ATP6V1A: variants seen among roughly 807,000 people sequenced by gnomAD.
The protein encoded by ATP6V1A is ATPase H+ transporting V1 subunit A.
Under a neutral mutation model 70.1 loss-of-function variants are expected in ATP6V1A, and 18 were observed. That is an observed-to-expected ratio of 0.26 (90% CI 0.18 to 0.38). The LOEUF is 0.38. Among genes scored for constraint, ATP6V1A ranks in the 10% least tolerant of loss-of-function variants. The pLI, the probability that ATP6V1A is intolerant of heterozygous loss-of-function variation, is 1.00. For missense variants in ATP6V1A, 424 were observed against 772.4 expected (o/e 0.55, Z 5.35); for synonymous variants, 232 against 253.8 (o/e 0.91, Z 0.82).
At chr3:113,777,614 G>A (rs1438483265) in intron 1 of ATP6V1A, among the ~76,000 whole-genome samples, 1 of 152,210 alleles carries the variant, frequency 6.6e-6, no homozygotes, top group Non-Finnish European at 1.5e-5. Context: ...TTAGCCAGGT[G>A]TGGTAGGACA....
chr3:113,786,344 C>T lies in ATP6V1A; in HGVS notation c.677C>T (p.Pro226Leu). 1 of 1,613,902 alleles carries T rather than the reference C, an allele frequency of 6.2e-7. No homozygotes were observed. The highest frequency in any genetic ancestry group is 1.1e-5 in the South Asian group (1 of 91,048). ...PVTEKLPANH[P>L]LLTGQRVLDA... ...ACTGAGAAGCTGCCAGCCAATCATC[C>T]TCTGTTGACTGGCCAGAGAGTCCTT... is the stretch of plus-strand genomic sequence containing the variant. Residue 226 changes from proline to leucine, a missense_variant, in exon 6 of 15, where the codon CCT becomes CTT. Pro to Leu is a moderately conservative substitution (Grantham distance 98). Coordinates refer to ENST00000273398, the MANE Select transcript of ATP6V1A (RefSeq NM_001690.4).
chr3:113,782,562 G>GTATATATATACGTATATATATACACATA (rs1480934412), intron 3 of ATP6V1A, among the ~76,000 whole-genome samples: 3 of 139,724 alleles, frequency 2.1e-5, no homozygotes, highest in Non-Finnish European at 4.6e-5. Context: ...ATATACATGT[G>GTATATATATACGTATATATATACACATA]TATATATATA....
chr3:113,765,631 T>G (rs1359886224), intron 1 of ATP6V1A, among the ~76,000 whole-genome samples: 3 of 145,874 alleles, frequency 2.1e-5, no homozygotes, highest in Non-Finnish European at 4.5e-5. Context: ...GAGAGAGAGA[T>G]GAGTGGCCGG....
intron 1 of ATP6V1A, among the ~76,000 whole-genome samples, chr3:113,763,661 C>G (rs1048499499): frequency 3.9e-5 from 6 of 152,052 alleles, no homozygotes; most frequent in Admixed American, 3.9e-4. Context: ...AGTTCTAATA[C>G]CATATTTTGT....
chr3:113,784,498 G>C (rs942408345), intron 4 of ATP6V1A, 60 bp downstream of exon 4: 2 of 1,501,176 alleles, frequency 1.3e-6, no homozygotes, highest in Admixed American at 3.7e-5. Context: ...TGAATGTTTA[G>C]TAAACTACAT....
chr3:113,784,390 T>C lies in ATP6V1A; in HGVS notation c.378T>C (p.Ala126=). ...TCCCCAGAGGAGTAAACGTGTCTGC[T>C]CTTAGCAGAGATATCAAATGGGACT... ...IYIPRGVNVS[A]LSRDIKWDFT... Residue 126 remains alanine (A), a synonymous_variant, in exon 4 of 15, where the codon GCT becomes GCC. Transcript: ENST00000273398. 1 of 1,614,178 alleles carries C rather than the reference T, an allele frequency of 6.2e-7. No individual in the cohort carries two copies. The highest frequency in any genetic ancestry group is 8.5e-7 in the Non-Finnish European group (1 of 1,180,020).
chr3:113,803,907 G>T (rs1362762411), intron 13 of ATP6V1A, among the ~76,000 whole-genome samples: 1 of 152,120 alleles, frequency 6.6e-6, no homozygotes, highest in Admixed American at 6.6e-5. Context: ...TCTATAATTA[G>T]ATTTAATTGT....
At chr3:113,767,058 ACTT>A (rs1708779842) in intron 1 of ATP6V1A, among the ~76,000 whole-genome samples, 1 of 148,434 alleles carries the variant, frequency 6.7e-6, no homozygotes, top group Non-Finnish European at 1.5e-5. Flanking sequence ...TGTGATATGT[ACTT>A]AACAAATAGT....
chr3:113,792,595 C>T (rs1352376960), intron 8 of ATP6V1A, among the ~76,000 whole-genome samples: 1 of 152,212 alleles, frequency 6.6e-6, no homozygotes, highest in Non-Finnish European at 1.5e-5. Context: ...CTTGGCCTCC[C>T]AAAGTCCTGG....
chr3:113,761,674 T>C (rs1708706713), intron 1 of ATP6V1A, among the ~76,000 whole-genome samples: 2 of 148,542 alleles, frequency 1.3e-5, no homozygotes, highest in Non-Finnish European at 3.0e-5. Flanking sequence ...AGGCAGAGAT[T>C]GTGGTGAGCC....
At chr3:113,778,498 A>G (rs996766211) in intron 1 of ATP6V1A, among the ~76,000 whole-genome samples, 3 of 152,122 alleles carry the variant, frequency 2.0e-5, no homozygotes, top group Non-Finnish European at 4.4e-5. Flanking sequence ...GCTAGAGTCC[A>G]GGAGTCTGAG....
At chr3:113,755,051 T>A (rs1231744004) in intron 1 of ATP6V1A, among the ~76,000 whole-genome samples, 1 of 152,176 alleles carries the variant, frequency 6.6e-6, no homozygotes, top group Non-Finnish European at 1.5e-5. Context: ...TCCAAAGTTT[T>A]TTTTACAAGA....
chr3:113,788,144 C>T lies in ATP6V1A; in HGVS notation c.717-569C>T, dbSNP rs115674325. 8.2e-3 allele frequency among the ~76,000 whole-genome samples: 1,243 copies of T among 152,272 alleles called. 13 individuals are homozygous for T. The highest frequency in any genetic ancestry group is 0.028 in the African/African-American group (1,154 of 41,538). On this transcript the variant is annotated intron_variant, in intron 6 of 14. Transcript: ENST00000273398. ...CTCTTTTGCCCAGGCTGGTCTTGGG[C>T]TCAGGCGGTCCTCCCACCTCAGTCT...
chr3:113,800,231 CAAA>C (rs74642409), intron 12 of ATP6V1A, among the ~76,000 whole-genome samples: 3 of 82,666 alleles, frequency 3.6e-5, no homozygotes. Flanking sequence ...GACTCCATCT[CAAA>C]AAAAAAAAAA....
chr3:113,758,500 C>T (rs1407835051), intron 1 of ATP6V1A, among the ~76,000 whole-genome samples: 1 of 152,152 alleles, frequency 6.6e-6, no homozygotes, highest in Admixed American at 6.5e-5. Flanking sequence ...GTTTGCATTA[C>T]ATGTATCGAT....
intron 7 of ATP6V1A, 66 bp from the exon 8 acceptor site, chr3:113,789,666 A>G: frequency 4.7e-6 from 6 of 1,281,714 alleles, no homozygotes; most frequent in Non-Finnish European, 5.5e-6. Context: ...AAAAAAAAGA[A>G]AAATAGGGAG....
rs146823951 is a variant in ATP6V1A, at chr3:113,783,575, T to G, written c.212-649T>G. On this transcript the variant is annotated intron_variant, in intron 3 of 14. Coordinates refer to ENST00000273398, the MANE Select transcript of ATP6V1A (RefSeq NM_001690.4). Reference sequence around the variant, plus strand: ...TTGCTTCTGTTTTTAGCCCTGTGGTTCCCAAACTTTGCAGAGTCATTCTGA... The same window carrying G: ...TTGCTTCTGTTTTTAGCCCTGTGGTGCCCAAACTTTGCAGAGTCATTCTGA... Among the ~76,000 whole-genome samples the G allele has an allele frequency of 2.4e-3, 361 of 152,290 alleles. 2 individuals carry two copies. The highest frequency in any genetic ancestry group is 8.4e-3 in the African/African-American group (351 of 41,554).
At chr3:113,789,281 C>T (rs1709068391) in intron 7 of ATP6V1A, among the ~76,000 whole-genome samples, 1 of 152,116 alleles carries the variant, frequency 6.6e-6, no homozygotes. Flanking sequence ...CTCCTGACCT[C>T]CAATAATCGA....
At chr3:113,794,753 G>A (rs902317128) in intron 8 of ATP6V1A, 119 bp from the exon 9 acceptor site, 1 of 1,173,340 alleles carries the variant, frequency 8.5e-7, no homozygotes, top group African/African-American at 1.5e-5. Flanking sequence ...GCAGCTTTGA[G>A]GGAGCCACTA....
Sources: allele counts gnomAD v4.1 joint callset (sites outside exome capture counted in the v4.1 genomes callset), GRCh38; gene constraint gnomAD v4.1.1; transcripts MANE v1.5; gene names NCBI Gene and HGNC (gene_info 2026-07-23, HGNC 2026-07-21).